Variants in TXNRD2 observed in about 807,000 individuals in gnomAD.
TXNRD2 encodes thioredoxin reductase 2, also known as thioredoxin reductase 2, mitochondrial.
In TXNRD2, 67 loss-of-function variants were observed where a neutral mutation model predicts 70.8. The ratio of observed to expected loss-of-function variants is 0.95; its 90% CI spans 0.78 to 1.16. The LOEUF is 1.16. TXNRD2 is among the 50% of genes most tolerant of loss of function. The pLI is 0.00. For synonymous variants in TXNRD2, 301 were observed against 295.8 expected, an observed-to-expected ratio of 1.02 and a Z score of -0.18; for missense variants, 644 against 719.9, an observed-to-expected ratio of 0.89 and a Z score of 1.21.
At chr22:19,885,832 T>C (rs944510910) in intron 11 of TXNRD2, among the ~76,000 whole-genome samples, 1 of 152,218 alleles carries the variant, frequency 6.6e-6, no homozygotes, top group African/African-American at 2.4e-5. Flanking sequence ...CTATGGCAAC[T>C]ACAGACCTTG....
chr22:19,904,166 CG>C (rs1211823805), intron 8 of TXNRD2, among the ~76,000 whole-genome samples: 1 of 152,152 alleles, frequency 6.6e-6, no homozygotes, highest in Non-Finnish European at 1.5e-5. Context: ...GAACGTCCCC[CG>C]CCCCACCCCA....
intron 11 of TXNRD2, chr22:19,895,101 A>T: frequency 1.3e-6 from 2 of 1,598,126 alleles, no homozygotes; most frequent in South Asian, 1.1e-5. Context: ...TGCCTAGTTG[A>T]TCCTCGATGA....
In TXNRD2 at chr22:19,941,737, C is replaced by G. The variant is rs1601500824; in HGVS notation, c.67G>C (p.Ala23Pro). Residue 23 changes from alanine (A) to proline (P), a missense_variant, in exon 1 of 18, where the codon GCG becomes CCG. Around this residue, in one of 3 missense-constraint regions of TXNRD2, gnomAD observed 71 missense variants for 53.6 expected, o/e 1.33. Coordinates refer to ENST00000400521, the MANE Select transcript of TXNRD2 (RefSeq NM_006440.5). ...GRFRWRTQAV[A>P]GGVRGAARGA... ...CGCGCCGCGCCCCGCACCCCGCCCG[C>G]CACGGCCTGCGTCCGCCACCGGAAG... is the stretch of plus-strand genomic sequence containing the variant. 9 of 1,493,380 alleles carry G rather than the reference C, an allele frequency of 6.0e-6. No homozygotes were observed. The highest frequency in any genetic ancestry group is 8.0e-6 in the Non-Finnish European group (9 of 1,129,146). The allele number at this position is 1,493,380 out of a possible 1,614,324, so 92.5% of individuals were successfully genotyped here. A position where few individuals can be genotyped will look rare whatever the true frequency, so the allele number is the denominator to read the frequency against.
intron 2 of TXNRD2, among the ~76,000 whole-genome samples, chr22:19,920,403 C>T (rs192865688): frequency 1.3e-5 from 2 of 152,076 alleles, no homozygotes; most frequent in African/African-American, 4.8e-5. Flanking sequence ...CATGGTAAAA[C>T]GTGTCTCCAC....
intron 8 of TXNRD2, among the ~76,000 whole-genome samples, chr22:19,907,769 G>A (rs1210372859): frequency 1.4e-4 from 5 of 36,262 alleles, no homozygotes; most frequent in African/African-American, 2.0e-4. Context: ...GAGTGTGGGC[G>A]CCGTGGGTAG....
At chr22:19,903,340 C>CATCTG (rs1175086196) in intron 8 of TXNRD2, among the ~76,000 whole-genome samples, 1 of 152,260 alleles carries the variant, frequency 6.6e-6, no homozygotes, top group Admixed American at 6.5e-5. Context: ...GGCCCCATCC[C>CATCTG]AGTGTTGCCA....
intron 8 of TXNRD2, among the ~76,000 whole-genome samples, chr22:19,899,970 G>A (rs1363113877): frequency 6.6e-6 from 1 of 152,254 alleles, no homozygotes; most frequent in Non-Finnish European, 1.5e-5. Context: ...AAGAGGAGGT[G>A]ATGTAAGGAC....
chr22:19,926,637 T>C (rs1210006314), intron 2 of TXNRD2, among the ~76,000 whole-genome samples: 1 of 150,400 alleles, frequency 6.6e-6, no homozygotes. Flanking sequence ...AAAAATTAGC[T>C]GGATGTGGTG....
intron 1 of TXNRD2, 70 bp from the exon 2 acceptor site, chr22:19,931,168 A>G (rs997321652): frequency 5.0e-6 from 7 of 1,397,478 alleles, no homozygotes; most frequent in Non-Finnish European, 7.1e-6. Flanking sequence ...CAATTTTATC[A>G]GGATTGGACA....
At chr22:19,940,935 A>G (rs1329127789) in intron 1 of TXNRD2, among the ~76,000 whole-genome samples, 1 of 152,174 alleles carries the variant, frequency 6.6e-6, no homozygotes, top group Non-Finnish European at 1.5e-5. Context: ...GCAGAGGGCC[A>G]GCCACCATGC....
chr22:19,925,870 A>G (rs767522431), intron 2 of TXNRD2, among the ~76,000 whole-genome samples: 14 of 152,142 alleles, frequency 9.2e-5, no homozygotes, highest in Non-Finnish European at 1.9e-4. Context: ...AAAGGATACC[A>G]TCAAGAAAGT....
intron 11 of TXNRD2, among the ~76,000 whole-genome samples, chr22:19,888,937 C>G (rs1274409767): frequency 6.6e-6 from 1 of 151,728 alleles, no homozygotes; most frequent in Admixed American, 6.6e-5. Context: ...GGCCCCTACC[C>G]GCAGCTATGA....
chr22:19,930,815 G>A (rs923308135), intron 2 of TXNRD2, among the ~76,000 whole-genome samples: 1 of 152,226 alleles, frequency 6.6e-6, no homozygotes, highest in Admixed American at 6.5e-5. Context: ...GGCTGGAGCT[G>A]AGGAAGGCAG....
chr22:19,882,144 C>T (rs1052527172), intron 12 of TXNRD2, among the ~76,000 whole-genome samples: 5 of 152,130 alleles, frequency 3.3e-5, no homozygotes, highest in African/African-American at 1.2e-4. Flanking sequence ...AGCCACAACC[C>T]GAGGGACGCC....
rs1247984749 is a variant in TXNRD2, at chr22:19,877,142, G to C, written c.1538C>G (p.Ser513Ter). ...GCCTGTCACCGTGGGGTCCAGGCCT[G>C]AGCGCTTGGAGATGCGCAGCTTGAC... ...EVVKLRISKR[S>*]GLDPTVTGCU... Residue 513 changes from serine (S) to a stop codon, truncating the protein, a stop_gained, in exon 17 of 18, where the codon TCA (serine) becomes TGA (stop). Coordinates refer to ENST00000400521, the MANE Select transcript of TXNRD2 (RefSeq NM_006440.5). LOFTEE classifies it high-confidence loss of function. The C allele has an allele frequency of 2.5e-6, 4 of 1,608,788 alleles. No homozygotes were observed. Among genetic ancestry groups the C allele is most frequent in the Non-Finnish European group, 3.4e-6 (4 of 1,176,422 alleles).
At chr22:19,916,317 A>C (rs1601449496) in intron 5 of TXNRD2, 1 of 169,980 alleles carries the variant, frequency 5.9e-6, no homozygotes. Context: ...GAAACAAATG[A>C]CCCACGCTTT....
intron 11 of TXNRD2, among the ~76,000 whole-genome samples, chr22:19,890,517 G>A (rs1280452312): frequency 6.6e-6 from 1 of 152,058 alleles, no homozygotes; most frequent in Non-Finnish European, 1.5e-5. Flanking sequence ...TTGGTTTCAC[G>A]CAGCTGCAGC....
chr22:19,895,311 TG>T, intron 11 of TXNRD2, 95 bp downstream of exon 11: 1 of 1,600,080 alleles, frequency 6.2e-7, no homozygotes. Context: ...GCCAGCAGGA[TG>T]GGGGAGCCCT....
intron 17 of TXNRD2, chr22:19,876,599 G>C (rs891165672): frequency 1.3e-5 from 2 of 152,798 alleles, no homozygotes; most frequent in African/African-American, 4.8e-5. Flanking sequence ...CCACCTTCTG[G>C]GAGATAGGGA....
Sources: gnomAD v4.1 joint callset for allele counts (sites outside exome capture counted in the v4.1 genomes callset) on GRCh38, gnomAD v4.1.1 for gene constraint, gnomAD v4.1.1 regional missense constraint, MANE v1.5 for transcripts, NCBI Gene and HGNC (gene_info 2026-07-23, HGNC 2026-07-21) for gene names.